Variants in NRXN3 observed in about 807,000 individuals in gnomAD.
NRXN3 encodes neurexin 3, also known as neurexin III.
NRXN3 carries 32 observed loss-of-function variants against 137.6 expected under a neutral mutation model. The observed-to-expected ratio is 0.23, with a 90% CI of 0.18 to 0.31. The LOEUF (loss-of-function observed/expected upper bound fraction) is 0.31, where lower values mean the gene tolerates loss of function less well. Among genes scored for constraint, NRXN3 ranks in the 10% least tolerant of loss-of-function variants. The probability of loss-of-function intolerance (pLI) is 1.00; values close to 1 mark genes in which losing one functional copy is unlikely to be tolerated. For synonymous variants in NRXN3, 798 were observed against 784.5 expected, an observed-to-expected ratio of 1.02 and a Z score of -0.29; for missense variants, 1,574 against 2,062.5, an observed-to-expected ratio of 0.76 and a Z score of 4.59.
At chr14:79,594,606 T>C (rs1379845908) in intron 16 of NRXN3, among the ~76,000 whole-genome samples, 1 of 152,170 alleles carries the variant, frequency 6.6e-6, no homozygotes, top group Non-Finnish European at 1.5e-5. Context: ...TGGCAACTAA[T>C]ATTATGAACA....
At chr14:79,256,497 G>C (rs1164214686) in intron 15 of NRXN3, among the ~76,000 whole-genome samples, 1 of 152,092 alleles carries the variant, frequency 6.6e-6, no homozygotes, top group East Asian at 1.9e-4. Context: ...GTGCCCCCTA[G>C]CACCTCCACG....
At chr14:79,149,586 G>A (rs1239400698) in intron 15 of NRXN3, among the ~76,000 whole-genome samples, 3 of 152,032 alleles carry the variant, frequency 2.0e-5, no homozygotes, top group Admixed American at 6.6e-5. Flanking sequence ...ATTCACAATA[G>A]TAAAGACATG....
chr14:79,094,077 G>A (rs891246878), intron 15 of NRXN3, among the ~76,000 whole-genome samples: 1 of 152,040 alleles, frequency 6.6e-6, no homozygotes, highest in African/African-American at 2.4e-5. Context: ...AGAAATAAAG[G>A]GTTAAATGAG....
chr14:79,222,235 G>A (rs142095427), intron 15 of NRXN3, among the ~76,000 whole-genome samples: 4,213 of 152,076 alleles, frequency 0.028, 140 homozygotes, highest in South Asian at 0.085. Flanking sequence ...TTGGCTATAC[G>A]GGCTCTTTTT....
intron 16 of NRXN3, among the ~76,000 whole-genome samples, chr14:79,619,625 A>T (rs2098200170): frequency 6.6e-6 from 1 of 152,072 alleles, no homozygotes; most frequent in Non-Finnish European, 1.5e-5. Context: ...TAACAATCAG[A>T]ATTTGTGTCT....
intron 4 of NRXN3, among the ~76,000 whole-genome samples, chr14:78,298,892 C>A (rs982748473): frequency 6.6e-6 from 1 of 152,172 alleles, no homozygotes; most frequent in South Asian, 2.1e-4. Flanking sequence ...CTTCCCCTCC[C>A]CTGCTCCCTG....
At chr14:79,231,386 GT>G (rs1313230573) in intron 15 of NRXN3, among the ~76,000 whole-genome samples, 2 of 152,166 alleles carry the variant, frequency 1.3e-5, no homozygotes, top group Non-Finnish European at 2.9e-5. Context: ...GCCTATTAGT[GT>G]CATAGTGATG....
chr14:79,732,001 C>A (rs2098925498), intron 19 of NRXN3, among the ~76,000 whole-genome samples: 1 of 151,990 alleles, frequency 6.6e-6, no homozygotes, highest in South Asian at 2.1e-4. Flanking sequence ...CCTCCCTCAC[C>A]CCTCCCAATC....
At chr14:79,354,433 A>G (rs552100378) in intron 15 of NRXN3, among the ~76,000 whole-genome samples, 1 of 152,284 alleles carries the variant, frequency 6.6e-6, no homozygotes, top group East Asian at 1.9e-4. Flanking sequence ...TTAGGTGACT[A>G]TTTTCATGAA....
chr14:78,204,420 C>T (rs1042703325), intron 1 of NRXN3, among the ~76,000 whole-genome samples: 1 of 152,052 alleles, frequency 6.6e-6, no homozygotes, highest in African/African-American at 2.4e-5. Flanking sequence ...AACACTAGAT[C>T]TCCACCCTAA....
At chr14:79,107,086 G>T (rs1210045819) in intron 15 of NRXN3, among the ~76,000 whole-genome samples, 3 of 152,146 alleles carry the variant, frequency 2.0e-5, no homozygotes, top group African/African-American at 7.2e-5. Context: ...AAAGGTAAAT[G>T]ACAAGCTCTA....
At chr14:79,860,907 G>A in intron 20 of NRXN3, 1 of 577,566 alleles carries the variant, frequency 1.7e-6, no homozygotes. Flanking sequence ...TGCCTAGAAT[G>A]ATTAGACTCC....
At chr14:79,792,460 G>A (rs2099148268) in intron 19 of NRXN3, among the ~76,000 whole-genome samples, 1 of 151,998 alleles carries the variant, frequency 6.6e-6, no homozygotes, top group African/African-American at 2.4e-5. Context: ...GTTATTTTTT[G>A]CTCAAAGCAT....
At chr14:79,206,563 C>T (rs1250446290) in intron 15 of NRXN3, among the ~76,000 whole-genome samples, 1 of 152,190 alleles carries the variant, frequency 6.6e-6, no homozygotes, top group South Asian at 2.1e-4. Context: ...AAAGGCTAGC[C>T]TGAAGAGTAG....
chr14:79,762,333 C>G (rs139488754), intron 19 of NRXN3, among the ~76,000 whole-genome samples: 1 of 151,780 alleles, frequency 6.6e-6, no homozygotes, highest in Non-Finnish European at 1.5e-5. Flanking sequence ...GCTGCACTCG[C>G]ATGCTCAAGT....
intron 4 of NRXN3, among the ~76,000 whole-genome samples, chr14:78,494,594 A>AT (rs1271052720): frequency 6.6e-6 from 1 of 152,020 alleles, no homozygotes; most frequent in Non-Finnish European, 1.5e-5. Flanking sequence ...CTGGAAGAAT[A>AT]TTTGCAGCCC....
intron 17 of NRXN3, among the ~76,000 whole-genome samples, chr14:79,691,065 T>C (rs1000937592): frequency 6.6e-6 from 1 of 152,066 alleles, no homozygotes; most frequent in Non-Finnish European, 1.5e-5. Context: ...GTTGATGAGA[T>C]AGAACAGTTC....
intron 20 of NRXN3, among the ~76,000 whole-genome samples, chr14:79,848,503 C>A (rs1036663423): frequency 1.3e-5 from 2 of 152,102 alleles, no homozygotes; most frequent in East Asian, 3.9e-4. Context: ...TTATGTGTGG[C>A]CCAAGACAAT....
intron 10 of NRXN3, among the ~76,000 whole-genome samples, chr14:78,826,642 T>A (rs996304946): frequency 1.3e-5 from 2 of 152,320 alleles, no homozygotes; most frequent in South Asian, 4.1e-4. Flanking sequence ...AAACTACAAT[T>A]ACCAGAAACA....
Sources: gnomAD v4.1 joint callset for allele counts (sites outside exome capture counted in the v4.1 genomes callset) on GRCh38, gnomAD v4.1.1 for gene constraint, MANE v1.5 for transcripts, NCBI Gene and HGNC (gene_info 2026-07-23, HGNC 2026-07-21) for gene names.